Variants in NCKAP5 observed in about 807,000 individuals in gnomAD.
NCKAP5 encodes the protein NCK associated protein 5.
NCKAP5 carries 92 observed loss-of-function variants against 167.0 expected under a neutral mutation model. The observed-to-expected ratio is 0.55, with a 90% CI of 0.47 to 0.66. NCKAP5 has a LOEUF of 0.66. Among genes scored for constraint, NCKAP5 ranks in the 30% least tolerant of loss-of-function variants. NCKAP5 has a pLI of 0.00. For missense variants in NCKAP5, 2,378 were observed against 2,315.0 expected, an observed-to-expected ratio of 1.03 and a Z score of -0.56; for synonymous variants, 891 against 877.4, an observed-to-expected ratio of 1.02 and a Z score of -0.27.
chr2:133,146,475 G>A (rs998551792), intron 5 of NCKAP5, among the ~76,000 whole-genome samples: 1 of 151,988 alleles, frequency 6.6e-6, no homozygotes, highest in Non-Finnish European at 1.5e-5. Context: ...CAAATGCAAG[G>A]AATCTTTTAA....
intron 6 of NCKAP5, among the ~76,000 whole-genome samples, chr2:133,030,131 G>A (rs537640683): frequency 2.0e-5 from 3 of 152,248 alleles, no homozygotes; most frequent in Admixed American, 6.5e-5. Flanking sequence ...GTATAGATTC[G>A]GTTTCAGGGA....
chr2:133,292,081 T>C (rs768613598), intron 4 of NCKAP5, among the ~76,000 whole-genome samples: 3 of 152,026 alleles, frequency 2.0e-5, no homozygotes, highest in Non-Finnish European at 4.4e-5. Context: ...TTAAGAAGAA[T>C]GGGATGGGGT....
intron 19 of NCKAP5, among the ~76,000 whole-genome samples, chr2:132,683,174 G>T (rs536331198): frequency 6.6e-6 from 1 of 151,926 alleles, no homozygotes; most frequent in South Asian, 2.1e-4. Context: ...GTGAACCACC[G>T]CACATAAAGA....
At chr2:132,776,312 C>A (rs1475790693) in intron 15 of NCKAP5, among the ~76,000 whole-genome samples, 1 of 152,184 alleles carries the variant, frequency 6.6e-6, no homozygotes, top group South Asian at 2.1e-4. Context: ...CCCTACTGTT[C>A]CTTACCTGTT....
chr2:133,576,111 T>G, the NCKAP5 span, among the ~76,000 whole-genome samples: 1 of 152,196 alleles, frequency 6.6e-6, no homozygotes, highest in Non-Finnish European at 1.5e-5. Context: ...TGACGCAACT[T>G]GGGCTTCCAG....
chr2:132,737,090 C>T (rs943516846), intron 16 of NCKAP5, among the ~76,000 whole-genome samples: 3 of 152,210 alleles, frequency 2.0e-5, no homozygotes, highest in Admixed American at 6.5e-5. Flanking sequence ...TAAGGCACTA[C>T]TTCCCAGTCC....
chr2:132,769,643 C>G (rs914481962), intron 16 of NCKAP5, among the ~76,000 whole-genome samples: 22 of 152,278 alleles, frequency 1.4e-4, no homozygotes, highest in African/African-American at 4.8e-4. Context: ...TATTGACTGG[C>G]TAGCCTGGGA....
At chr2:133,471,226 T>C (rs1454364872) in intron 3 of NCKAP5, among the ~76,000 whole-genome samples, 1 of 152,212 alleles carries the variant, frequency 6.6e-6, no homozygotes, top group African/African-American at 2.4e-5. Context: ...CACCCCTCTT[T>C]TGTGGGTGTG....
chr2:132,705,471 T>C (rs185976915), intron 19 of NCKAP5, among the ~76,000 whole-genome samples: 32 of 152,308 alleles, frequency 2.1e-4, no homozygotes, highest in African/African-American at 7.7e-4. Context: ...AGGTTAATTC[T>C]CAGTTCTTAT....
chr2:133,503,906 G>T (rs942268250), intron 3 of NCKAP5, among the ~76,000 whole-genome samples: 3 of 152,158 alleles, frequency 2.0e-5, no homozygotes, highest in African/African-American at 7.2e-5. Flanking sequence ...ATATTGCCAG[G>T]GAGGAACCAA....
intron 4 of NCKAP5, among the ~76,000 whole-genome samples, chr2:133,243,092 C>T (rs1299077951): frequency 1.3e-5 from 2 of 151,518 alleles, no homozygotes; most frequent in Admixed American, 1.3e-4. Flanking sequence ...AGAAATCCTT[C>T]TTCATACTTA....
intron 16 of NCKAP5, among the ~76,000 whole-genome samples, chr2:132,734,904 G>A (rs775208949): frequency 1.3e-5 from 2 of 152,318 alleles, no homozygotes; most frequent in South Asian, 2.1e-4. Context: ...AGGCAGCCAC[G>A]TGAGCAGAAG....
chr2:132,882,342 C>T (rs1212734180), intron 8 of NCKAP5, among the ~76,000 whole-genome samples: 1 of 152,116 alleles, frequency 6.6e-6, no homozygotes, highest in African/African-American at 2.4e-5. Flanking sequence ...GATTTTTCCA[C>T]ACTCCTACAT....
At chr2:133,617,839 T>C in the NCKAP5 span, among the ~76,000 whole-genome samples, 1 of 150,936 alleles carries the variant, frequency 6.6e-6, no homozygotes, top group Admixed American at 6.6e-5. Flanking sequence ...AGAGCCCGCA[T>C]CGCCAAGTCA....
At chr2:133,277,474 C>A (rs550337724) in intron 4 of NCKAP5, among the ~76,000 whole-genome samples, 1 of 151,926 alleles carries the variant, frequency 6.6e-6, no homozygotes, top group African/African-American at 2.4e-5. Context: ...TAAAACCTAT[C>A]TGGGGAAACG....
At chr2:133,174,384 G>A (rs6750290) in intron 5 of NCKAP5, among the ~76,000 whole-genome samples, 8,879 of 152,138 alleles carry the variant, frequency 0.058, 277 homozygotes, top group African/African-American at 0.066. Context: ...TCTCTACTGC[G>A]AAGTTACTAT....
chr2:133,575,771 C>T, the NCKAP5 span, among the ~76,000 whole-genome samples: 1 of 152,336 alleles, frequency 6.6e-6, no homozygotes, highest in African/African-American at 2.4e-5. Context: ...AAATTGCAGA[C>T]AGGGCTGGAT....
In NCKAP5 at chr2:132,835,945, G is replaced by T. The variant is rs138737596; in HGVS notation, c.807+24547C>A. ...AGCTAAGGCTTGCAAAGTGATTACT[G>T]CATATTAGGTACTCTTCTAAAAATA... On this transcript the variant is annotated intron_variant, in intron 11 of 19. Transcript: ENST00000409261. Among the ~76,000 whole-genome samples the T allele has an allele frequency of 4.5e-3, 689 of 152,170 alleles. 11 individuals are homozygous for T. The highest frequency in any genetic ancestry group is 0.028 in the Admixed American group (427 of 15,276).
intron 1 of NCKAP5, among the ~76,000 whole-genome samples, chr2:133,560,772 A>C (rs552316263): frequency 6.6e-6 from 1 of 152,314 alleles, no homozygotes; most frequent in South Asian, 2.1e-4. Flanking sequence ...CTATAGAGTG[A>C]GAAGATTCTT....
Sources: allele counts gnomAD v4.1 joint callset (sites outside exome capture counted in the v4.1 genomes callset), GRCh38; gene constraint gnomAD v4.1.1; transcripts MANE v1.5; gene names NCBI Gene and HGNC (gene_info 2026-07-23, HGNC 2026-07-21).